MFN1: variants seen among roughly 807,000 people sequenced by gnomAD.
The protein encoded by MFN1 is mitofusin-1.
In MFN1, 65 loss-of-function variants were observed where a neutral mutation model predicts 92.4. That is an observed-to-expected ratio of 0.70 (90% CI 0.58 to 0.86). The LOEUF is 0.86. MFN1 is among the 40% of genes least tolerant of loss of function. The pLI is 0.00. For synonymous variants in MFN1, 297 were observed against 300.9 expected, an observed-to-expected ratio of 0.99 and a Z score of 0.13; for missense variants, 781 against 868.0, an observed-to-expected ratio of 0.90 and a Z score of 1.26.
At position 179,378,434 on chromosome 3, in the gene MFN1, G is replaced by T. The variant is rs1440003040; in HGVS notation, c.1423G>T (p.Glu475Ter). Residue 475 changes from glutamate (E) to a stop codon, truncating the protein, a stop_gained, in exon 13 of 18, where the codon GAA becomes TAA. Coordinates refer to ENST00000471841, the MANE Select transcript of MFN1 (RefSeq NM_033540.3). LOFTEE classifies it high-confidence loss of function. ...CGCCTTAGTGCTTCAGACCCAGCAAGAAATTATTGGTAATATTTATGTCTA... is the reference window on the plus strand; with the variant it reads ...CGCCTTAGTGCTTCAGACCCAGCAATAAATTATTGGTAATATTTATGTCTA... ...VNALVLQTQQ[E>*]IIENLKPLLP... The T allele has an allele frequency of 6.3e-7, 1 of 1,591,400 alleles. No individual in the cohort carries two copies. The highest frequency in any genetic ancestry group is 8.5e-7 in the Non-Finnish European group (1 of 1,173,538).
intron 3 of MFN1, among the ~76,000 whole-genome samples, chr3:179,353,771 A>T (rs1712245990): frequency 1.3e-5 from 2 of 152,228 alleles, no homozygotes; most frequent in Admixed American, 1.3e-4. Flanking sequence ...GCATTTATTT[A>T]CTAAATAACT....
intron 2 of MFN1, among the ~76,000 whole-genome samples, chr3:179,351,166 T>A (rs148266234): frequency 0.012 from 1,860 of 152,328 alleles, 34 homozygotes; most frequent in African/African-American, 0.043. Flanking sequence ...GGTTATCTCC[T>A]ATTCCTGAGT....
intron 5 of MFN1, among the ~76,000 whole-genome samples, 198 bp from the exon 6 acceptor site, chr3:179,364,099 C>T (rs1351229645): frequency 6.6e-6 from 1 of 152,040 alleles, no homozygotes; most frequent in African/African-American, 2.4e-5. Context: ...AAAGCATAAA[C>T]ATTAAAAAGA....
chr3:179,349,369 C>T (rs963417370), intron 2 of MFN1, among the ~76,000 whole-genome samples: 2 of 152,212 alleles, frequency 1.3e-5, no homozygotes, highest in African/African-American at 4.8e-5. Context: ...ATACTTGTCT[C>T]CTCCCCAATT....
At chr3:179,384,970 A>ATCT (rs1560200825) in intron 14 of MFN1, among the ~76,000 whole-genome samples, 1 of 135,958 alleles carries the variant, frequency 7.4e-6, no homozygotes, top group Non-Finnish European at 1.5e-5. Flanking sequence ...CAGTGGTGCA[A>ATCT]TCTCGGCTCA....
chr3:179,358,375 A>G (rs749720076), intron 3 of MFN1, among the ~76,000 whole-genome samples: 44 of 151,850 alleles, frequency 2.9e-4, no homozygotes, highest in Non-Finnish European at 5.0e-4. Context: ...CTGGTCCCGA[A>G]CTCCTGACCT....
intron 17 of MFN1, among the ~76,000 whole-genome samples, chr3:179,391,554 T>TCCATAATGGAGAGAGAGAGC (rs2108563571): frequency 1.3e-5 from 2 of 152,176 alleles, no homozygotes; most frequent in South Asian, 4.1e-4. Context: ...ACCCTCCCCG[T>TCCATAATGGAGAGAGAGAGC]CCATAATGGA....
At chr3:179,390,675 A>G (rs16830387) in intron 17 of MFN1, among the ~76,000 whole-genome samples, 4,019 of 152,210 alleles carry the variant, frequency 0.026, 202 homozygotes, top group African/African-American at 0.092. Flanking sequence ...TGTAGTTGGA[A>G]ATTCTTACTC....
At position 179,375,283 on chromosome 3, in the gene MFN1, A is replaced by G. The variant is rs1713196268; in HGVS notation, c.1039A>G (p.Ile347Val). 2.5e-6 allele frequency: 4 copies of G among 1,613,900 alleles called. No individual in the cohort carries two copies. Among genetic ancestry groups the G allele is most frequent in the Non-Finnish European group, 3.4e-6 (4 of 1,179,936 alleles). The change falls in exon 10 of 18, where the codon ATA becomes GTA. Residue 347 changes from isoleucine to valine, a missense_variant. Physicochemically the swap from Ile to Val is conservative, Grantham distance 29. Transcript: ENST00000471841. ...ACAGCACACTATCAGAGCTAAACAG[A>G]TACTAGCTACTGTGAAAAACATAAT... ...FEQHTIRAKQ[I>V]LATVKNIMDS...
chr3:179,382,470 A>G (rs1344755362), intron 14 of MFN1, among the ~76,000 whole-genome samples: 1 of 152,116 alleles, frequency 6.6e-6, no homozygotes, highest in Admixed American at 6.6e-5. Context: ...CCAGTCTATC[A>G]TTGTTGGACA....
intron 13 of MFN1, 61 bp downstream of exon 13, chr3:179,378,504 G>C: frequency 2.0e-6 from 3 of 1,522,308 alleles, no homozygotes; most frequent in Non-Finnish European, 2.7e-6. Flanking sequence ...CTGGTGAAGA[G>C]CTTATTTTCC....
At chr3:179,375,980 G>GTAA (rs1713226226) in intron 10 of MFN1, among the ~76,000 whole-genome samples, 2 of 152,178 alleles carry the variant, frequency 1.3e-5, no homozygotes, top group Non-Finnish European at 2.9e-5. Flanking sequence ...GATGTTATTA[G>GTAA]ATGTGACAAA....
chr3:179,373,478 G>A (rs1354944246), intron 9 of MFN1, among the ~76,000 whole-genome samples: 1 of 151,840 alleles, frequency 6.6e-6, no homozygotes, highest in Non-Finnish European at 1.5e-5. Context: ...AATATATAGA[G>A]GTTCGAGAAG....
chr3:179,378,354 A>C lies in MFN1; in HGVS notation c.1343A>C (p.His448Pro). 6.3e-7 allele frequency: 1 copy of C among 1,599,690 alleles called. No homozygotes were observed. Among genetic ancestry groups the C allele is most frequent in the Non-Finnish European group, 8.5e-7 (1 of 1,175,374 alleles). Residue 448 changes from histidine to proline, a missense_variant, in exon 13 of 18, where the codon CAC becomes CCC. His to Pro is a moderately conservative substitution (Grantham distance 77). Transcript: ENST00000471841. ...CATTGTTAACAGGAATTAAATAAGC[A>C]CATAGAGGATGGTATGGGAAGAAAT... ...LKIYKSELNK[H>P]IEDGMGRNLA...
At position 179,394,435 on chromosome 3, in the gene MFN1, A is replaced by ATTTT. The variant is rs1560204500; in HGVS notation, c.*2376_*2377insTTTT. 145 of 49,362 alleles carry ATTTT rather than the reference A, an allele frequency of 2.9e-3. No homozygotes were observed. The highest frequency in any genetic ancestry group is 0.013 in the African/African-American group (141 of 10,884). 3.1% of individuals were successfully genotyped at this position (49,362 alleles called of 1,614,324 possible). ...TTTTTTTTTTTTTTTTTTTTTTTTG[A>ATTTT]GACGGAGTCTCGCTCTGTCGCCCAG... On this transcript the variant is annotated 3_prime_UTR_variant, in exon 18 of 18. Transcript: ENST00000471841.
chr3:179,351,766 T>A, intron 2 of MFN1, 134 bp from the exon 3 acceptor site: 1 of 785,242 alleles, frequency 1.3e-6, no homozygotes. Context: ...AGTATGCACC[T>A]TTTACCAAAC....
chr3:179,368,430 G>A (rs961203065), intron 9 of MFN1, among the ~76,000 whole-genome samples: 15 of 152,154 alleles, frequency 9.9e-5, no homozygotes, highest in Non-Finnish European at 1.6e-4. Context: ...GTAAACAAGC[G>A]TAATTGCTGT....
At chr3:179,387,409 G>A (rs903437722) in intron 16 of MFN1, among the ~76,000 whole-genome samples, 1 of 151,926 alleles carries the variant, frequency 6.6e-6, no homozygotes, top group Non-Finnish European at 1.5e-5. Context: ...AGCCGGGCAT[G>A]GTAGCACATG....
At chr3:179,383,282 C>T (rs1426792751) in intron 14 of MFN1, among the ~76,000 whole-genome samples, 4 of 152,194 alleles carry the variant, frequency 2.6e-5, no homozygotes, top group African/African-American at 4.8e-5. Context: ...CAGCTTTGTA[C>T]ATATAGCTAG....
Sources: gnomAD v4.1 joint callset for allele counts (sites outside exome capture counted in the v4.1 genomes callset) on GRCh38, gnomAD v4.1.1 for gene constraint, MANE v1.5 for transcripts, NCBI Gene and HGNC (gene_info 2026-07-23, HGNC 2026-07-21) for gene names.